ZNF267: variants seen among roughly 807,000 people sequenced by gnomAD.
ZNF267 encodes the protein zinc finger protein 267.
ZNF267 carries 61 observed loss-of-function variants against 71.6 expected under a neutral mutation model. That is an observed-to-expected ratio of 0.85 (90% CI 0.69 to 1.05). The LOEUF is 1.05. ZNF267 is among the 50% of genes least tolerant of loss of function. ZNF267 has a pLI of 0.00. For synonymous variants in ZNF267, 288 were observed against 293.2 expected (o/e 0.98, Z 0.18); for missense variants, 852 against 870.0 (o/e 0.98, Z 0.26).
chr16:31,877,097 A>G (rs2083857425), intron 1 of ZNF267, among the ~76,000 whole-genome samples: 1 of 152,120 alleles, frequency 6.6e-6, no homozygotes, highest in Non-Finnish European at 1.5e-5. Flanking sequence ...AACCACTTCC[A>G]TATAGTCGCC....
At chr16:31,883,607 T>C (rs1375261107) in intron 1 of ZNF267, among the ~76,000 whole-genome samples, 1 of 152,196 alleles carries the variant, frequency 6.6e-6, no homozygotes. Flanking sequence ...GTAGCAAATA[T>C]TTGGAAAATA....
At chr16:31,885,078 C>A in intron 2 of ZNF267, 83 bp from the exon 3 acceptor site, 1 of 1,132,094 alleles carries the variant, frequency 8.8e-7, no homozygotes. Context: ...TTAATCCTGT[C>A]CTGTGGGGCC....
intron 1 of ZNF267, chr16:31,875,317 T>C (rs1228831914): frequency 7.8e-7 from 1 of 1,288,330 alleles, no homozygotes; most frequent in Non-Finnish European, 1.0e-6. Flanking sequence ...GGAAATGTAG[T>C]CCCTCAGGGG....
chr16:31,912,864 A>G (rs2084145568), intron 3 of ZNF267: 1 of 151,860 alleles, frequency 6.6e-6, no homozygotes. Flanking sequence ...CCTTTTAATT[A>G]TTTCAACCTC....
At chr16:31,885,985 G>A (rs1051862017) in intron 3 of ZNF267, among the ~76,000 whole-genome samples, 3 of 152,172 alleles carry the variant, frequency 2.0e-5, no homozygotes, top group Non-Finnish European at 4.4e-5. Flanking sequence ...ACATTGTCCA[G>A]TATATAATAA....
chr16:31,890,207 G>T (rs1474672235), intron 3 of ZNF267: 1 of 151,978 alleles, frequency 6.6e-6, no homozygotes, highest in Non-Finnish European at 1.5e-5. Context: ...TTGTAAATAG[G>T]ACATTGAAGT....
intron 3 of ZNF267, 99 bp downstream of exon 3, chr16:31,885,355 AATG>A (rs2083917305): frequency 9.3e-7 from 1 of 1,073,728 alleles, no homozygotes; most frequent in Non-Finnish European, 1.3e-6. Context: ...CTCCAGTGGA[AATG>A]ATTTTTGAGA....
At position 31,881,010 on chromosome 16, in the gene ZNF267, C is replaced by T. The variant is rs115394901; in HGVS notation, c.4-3488C>T. 7.9e-3 allele frequency among the ~76,000 whole-genome samples: 1,199 copies of T among 152,234 alleles called. 18 individuals carry two copies. The highest frequency in any genetic ancestry group is 0.027 in the African/African-American group (1,105 of 41,526). On this transcript the variant is annotated intron_variant, in intron 1 of 3. Coordinates refer to ENST00000300870, the MANE Select transcript of ZNF267 (RefSeq NM_003414.6). ...ATTTGGGACACTGCCCTTATGTTGA[C>T]GTTGTGAATTCTGATGTCACCACCC...
chr16:31,915,258 C>G lies in ZNF267; in HGVS notation c.1009C>G (p.Leu337Val). 6.2e-7 allele frequency: 1 copy of G among 1,613,906 alleles called. No individual in the cohort carries two copies. Among genetic ancestry groups the G allele is most frequent in the Non-Finnish European group, 8.5e-7 (1 of 1,179,944 alleles). Residue 337 changes from leucine (L) to valine (V), a missense_variant, in exon 4 of 4, where the codon CTT (leucine) becomes GTT (valine). By Grantham distance (32) the Leu-to-Val change is conservative. Transcript: ENST00000300870. ...GGATAGCTTAAACCATAGTTTGCAC[C>G]TTACTCAACATCAGATCATTCCTAC... Reference protein sequence around the residue: ...CGDSLNHSLHLTQHQIIPTEE... With the variant: ...CGDSLNHSLHVTQHQIIPTEE...
intron 3 of ZNF267, among the ~76,000 whole-genome samples, chr16:31,910,538 AGTT>A (rs1368645612): frequency 6.6e-6 from 1 of 151,678 alleles, no homozygotes; most frequent in African/African-American, 2.4e-5. Context: ...GTTGGCATAC[AGTT>A]GTTAATAATA....
At chr16:31,912,521 T>C (rs1322206929) in intron 3 of ZNF267, 7 of 151,678 alleles carry the variant, frequency 4.6e-5, no homozygotes, top group Non-Finnish European at 8.8e-5. Context: ...GGTAGTCGTC[T>C]TTGGGTTCAA....
At chr16:31,885,325 G>C in intron 3 of ZNF267, 69 bp downstream of exon 3, 1 of 1,376,350 alleles carries the variant, frequency 7.3e-7, no homozygotes, top group East Asian at 2.5e-5. Flanking sequence ...ACCAGACCTT[G>C]AAGTGTGGAT....
chr16:31,892,609 G>C (rs955937251), intron 3 of ZNF267, among the ~76,000 whole-genome samples: 8 of 152,212 alleles, frequency 5.3e-5, no homozygotes, highest in African/African-American at 1.9e-4. Flanking sequence ...TTACTTCCTA[G>C]ATACATTGGG....
rs561489659 is a variant in ZNF267, at chr16:31,885,299, C to T, written c.226+43C>T. The T allele has an allele frequency of 4.8e-4, 745 of 1,550,384 alleles. 6 individuals are homozygous for T. The South Asian group carries it at 8.5e-3, about 18-fold the overall frequency. On this transcript the variant is annotated intron_variant, in intron 3 of 3. Transcript: ENST00000300870. ...AAGTAGATGACATGGGCGAGAGGTC[C>T]AGAAGTCAAGAAAGAACCAGACCTT...
intron 3 of ZNF267, 186 bp from the exon 4 acceptor site, chr16:31,914,290 G>T: frequency 1.8e-6 from 1 of 555,618 alleles, no homozygotes; most frequent in Non-Finnish European, 3.1e-6. Flanking sequence ...CACTGTTGGT[G>T]TCTTAGTAGT....
rs929010155 is a variant in ZNF267, at chr16:31,917,219, A to T, written c.*738A>T. ...AATATCATTAATATCAGCATTTTTC[A>T]TGGAAGTTTAATGCCAAATGTAAAA... On this transcript the variant is annotated 3_prime_UTR_variant, in exon 4 of 4. Coordinates refer to ENST00000300870, the MANE Select transcript of ZNF267 (RefSeq NM_003414.6). 1 of 151,990 alleles carries T rather than the reference A, an allele frequency of 6.6e-6. No homozygotes were observed. Among genetic ancestry groups the T allele is most frequent in the South Asian group, 2.1e-4 (1 of 4,824 alleles). The allele number at this position is 151,990 out of a possible 1,614,324, so 9.4% of individuals were successfully genotyped here.
chr16:31,904,938 CA>C (rs1399768350), intron 3 of ZNF267, among the ~76,000 whole-genome samples: 1 of 152,114 alleles, frequency 6.6e-6, no homozygotes, highest in East Asian at 1.9e-4. Context: ...TGTTCCTTTC[CA>C]TGTTTAGTGC....
At position 31,915,436 on chromosome 16, in the gene ZNF267, T is replaced by C. The variant is rs757490402; in HGVS notation, c.1187T>C (p.Ile396Thr). ...TCTTTTACTCGTTCCTCCAATCTTA[T>C]TGTGCATCAGAGAATTCACACTGGA... ...SKSFTRSSNL[I>T]VHQRIHTGEK... The change falls in exon 4 of 4, where the codon ATT becomes ACT. Residue 396 changes from isoleucine to threonine, a missense_variant. Ile to Thr is a moderately conservative substitution (Grantham distance 89). Coordinates refer to ENST00000300870, the MANE Select transcript of ZNF267 (RefSeq NM_003414.6). The C allele has an allele frequency of 5.6e-6, 9 of 1,613,782 alleles. No individual in the cohort carries two copies. The highest frequency in any genetic ancestry group is 1.6e-4 in the Middle Eastern group (1 of 6,076).
At chr16:31,884,775 C>T (rs2083912546) in intron 2 of ZNF267, 151 bp downstream of exon 2, 2 of 799,598 alleles carry the variant, frequency 2.5e-6, no homozygotes, top group Non-Finnish European at 3.7e-6. Flanking sequence ...GAAAAAATTT[C>T]ATAATGTTTG....
Sources: allele counts gnomAD v4.1 joint callset (sites outside exome capture counted in the v4.1 genomes callset), GRCh38; gene constraint gnomAD v4.1.1; transcripts MANE v1.5; gene names NCBI Gene and HGNC (gene_info 2026-07-23, HGNC 2026-07-21).